Variants in AXIN2 observed in about 807,000 individuals in gnomAD.
AXIN2 encodes the protein axin-2.
In AXIN2, 21 loss-of-function variants were observed where a neutral mutation model predicts 74.7. The ratio of observed to expected loss-of-function variants is 0.28; its 90% CI spans 0.20 to 0.40. AXIN2 has a LOEUF of 0.40. Ranked by LOEUF, AXIN2 falls within the 10% of genes least tolerant of loss-of-function variation. AXIN2 has a pLI of 1.00. For missense variants in AXIN2, 1,144 were observed against 1,111.1 expected, an observed-to-expected ratio of 1.03 and a Z score of -0.42; for synonymous variants, 532 against 454.9, an observed-to-expected ratio of 1.17 and a Z score of -2.16.
chr17:65,550,612 C>T (rs1050520615), intron 2 of AXIN2, among the ~76,000 whole-genome samples: 1 of 152,154 alleles, frequency 6.6e-6, no homozygotes, highest in Non-Finnish European at 1.5e-5. Context: ...TGGCATCCTC[C>T]ACTGGTCCCA....
Position 65,529,700 on chromosome 17 carries a change from T to G in AXIN2, c.*276A>C, listed in dbSNP as rs893162862. Reference sequence around the variant, plus strand: ...GGAAGTCATATATTATGTATGGCAGTCTCTCAAATACAGGCAGCATCTTCA... The same window carrying G: ...GGAAGTCATATATTATGTATGGCAGGCTCTCAAATACAGGCAGCATCTTCA... On this transcript the variant is annotated 3_prime_UTR_variant, in exon 11 of 11. Transcript: ENST00000307078. The G allele has an allele frequency of 2.0e-6, 1 of 493,838 alleles. No individual in the cohort carries two copies. The highest frequency in any genetic ancestry group is 3.7e-6 in the Non-Finnish European group (1 of 270,548). The allele number at this position is 493,838 out of a possible 1,614,324, so 30.6% of individuals were successfully genotyped here. A position where few individuals can be genotyped will look rare whatever the true frequency, so the allele number is the denominator to read the frequency against.
chr17:65,530,161 GA>G, intron 10 of AXIN2, 59 bp from the exon 11 acceptor site: 1 of 1,606,458 alleles, frequency 6.2e-7, no homozygotes, highest in Non-Finnish European at 8.5e-7. Context: ...TTGTTGAAAA[GA>G]AAAGCATACC....
chr17:65,549,328 T>C (rs2044158687), intron 3 of AXIN2, among the ~76,000 whole-genome samples, 192 bp downstream of exon 3: 1 of 152,234 alleles, frequency 6.6e-6, no homozygotes, highest in African/African-American at 2.4e-5. Context: ...AGCTTTACCC[T>C]ACCCAGATGA....
Position 65,529,120 on chromosome 17 carries a change from G to A in AXIN2, c.*856C>T, listed in dbSNP as rs567904748. ...AAAAACAAGGAACTGTCATTTCCAC[G>A]AAAGCACAGCGGCAGTGATTCTAGC... On this transcript the variant is annotated 3_prime_UTR_variant, in exon 11 of 11. Transcript: ENST00000307078. The A allele has an allele frequency of 5.1e-5, 12 of 234,956 alleles. No individual in the cohort carries two copies. Among genetic ancestry groups the A allele is most frequent in the South Asian group, 1.8e-4 (1 of 5,576 alleles). The allele number at this position is 234,956 out of a possible 1,614,324, so 14.6% of individuals were successfully genotyped here. A position where few individuals can be genotyped will look rare whatever the true frequency, so the allele number is the denominator to read the frequency against.
intron 8 of AXIN2, among the ~76,000 whole-genome samples, chr17:65,535,964 C>A (rs951119650): frequency 6.6e-6 from 1 of 152,200 alleles, no homozygotes; most frequent in Non-Finnish European, 1.5e-5. Context: ...CAGCAAAGGG[C>A]TGAGGACTCT....
chr17:65,534,125 C>T (rs747780640), intron 9 of AXIN2, 46 bp from the exon 10 acceptor site: 1 of 1,609,264 alleles, frequency 6.2e-7, no homozygotes, highest in East Asian at 2.2e-5. Flanking sequence ...TTAAAGCAGA[C>T]ACACATCTAA....
In AXIN2 at chr17:65,529,163, G is replaced by A. The variant is rs2043775597; in HGVS notation, c.*813C>T. On this transcript the variant is annotated 3_prime_UTR_variant, in exon 11 of 11. Coordinates refer to ENST00000307078, the MANE Select transcript of AXIN2 (RefSeq NM_004655.4). ...ATTCTAGCAGGCCTCAGGGCCCTGG[G>A]CCTGGGGAGGCTACATGAGGGGGAG... 4.3e-6 allele frequency: 1 copy of A among 234,292 alleles called. No individual in the cohort carries two copies. Among genetic ancestry groups the A allele is most frequent in the Non-Finnish European group, 8.4e-6 (1 of 118,832 alleles). 14.5% of individuals were successfully genotyped at this position (234,292 alleles called of 1,614,324 possible).
intron 10 of AXIN2, among the ~76,000 whole-genome samples, chr17:65,532,916 CCCTTGTCCCAG>C (rs1294152380): frequency 6.6e-6 from 1 of 152,218 alleles, no homozygotes; most frequent in Non-Finnish European, 1.5e-5. Context: ...CCCTGTCTCA[CCCTTGTCCCAG>C]CCTGGAGCCC....
intron 1 of AXIN2, among the ~76,000 whole-genome samples, chr17:65,559,735 C>G (rs746862712): frequency 2.6e-4 from 39 of 152,330 alleles, no homozygotes; most frequent in Non-Finnish European, 4.4e-4. Flanking sequence ...AATAAACAAG[C>G]TGCTTTCCCT....
chr17:65,538,099 C>A (rs149792049), intron 5 of AXIN2, 104 bp downstream of exon 5: 691 of 1,572,596 alleles, frequency 4.4e-4, no homozygotes, highest in Non-Finnish European at 5.3e-4. Flanking sequence ...GCGCATGCAA[C>A]CCACGCACAT....
intron 1 of AXIN2, 96 bp downstream of exon 1, chr17:65,561,354 C>T (rs1445778524): frequency 6.8e-6 from 1 of 146,098 alleles, no homozygotes; most frequent in Non-Finnish European, 1.5e-5. Flanking sequence ...CCCTCCCGCC[C>T]CCCGCGCCCA....
chr17:65,554,920 G>A (rs866778882), intron 2 of AXIN2, among the ~76,000 whole-genome samples: 22 of 152,224 alleles, frequency 1.4e-4, no homozygotes, highest in African/African-American at 5.3e-4. Flanking sequence ...CTGTGCGTGT[G>A]TGTGTCTGTG....
At chr17:65,537,298 G>A in intron 6 of AXIN2, 26 bp downstream of exon 6, 1 of 1,613,428 alleles carries the variant, frequency 6.2e-7, no homozygotes, top group Non-Finnish European at 8.5e-7. Flanking sequence ...CCCCACACGG[G>A]ACACTGCGGT....
chr17:65,537,145 CG>C, intron 6 of AXIN2, 82 bp from the exon 7 acceptor site: 2 of 1,562,008 alleles, frequency 1.3e-6, no homozygotes, highest in African/African-American at 1.3e-5. Context: ...TTCAGCAAGT[CG>C]GGGGGCTGGT....
chr17:65,548,218 A>G (rs1598109408), intron 3 of AXIN2, among the ~76,000 whole-genome samples: 2 of 152,306 alleles, frequency 1.3e-5, no homozygotes, highest in East Asian at 3.9e-4. Context: ...TCAAACTTTC[A>G]CCTTGAGGAT....
At chr17:65,540,521 A>G (rs1208326681) in intron 4 of AXIN2, among the ~76,000 whole-genome samples, 1 of 152,180 alleles carries the variant, frequency 6.6e-6, no homozygotes, top group Non-Finnish European at 1.5e-5. Context: ...AGAAAATGCA[A>G]AGGTTCAAAA....
chr17:65,544,107 T>C (rs2044082308), intron 3 of AXIN2, among the ~76,000 whole-genome samples: 1 of 152,052 alleles, frequency 6.6e-6, no homozygotes, highest in South Asian at 2.1e-4. Flanking sequence ...GACCCCACCA[T>C]GACACAAGTG....
chr17:65,560,410 G>T (rs1241707819), intron 1 of AXIN2: 5 of 151,134 alleles, frequency 3.3e-5, no homozygotes, highest in Non-Finnish European at 7.4e-5. Context: ...AGAGGATGGG[G>T]CGGAGGAGAG....
intron 3 of AXIN2, among the ~76,000 whole-genome samples, chr17:65,549,248 T>C (rs2044157807): frequency 6.6e-6 from 1 of 152,178 alleles, no homozygotes; most frequent in African/African-American, 2.4e-5. Context: ...TAAATATTCA[T>C]TCATCCTAAT....
Sources: gnomAD v4.1 joint callset for allele counts (sites outside exome capture counted in the v4.1 genomes callset) on GRCh38, gnomAD v4.1.1 for gene constraint, MANE v1.5 for transcripts, NCBI Gene and HGNC (gene_info 2026-07-23, HGNC 2026-07-21) for gene names.